Variants in ZFP36L1 observed in about 807,000 individuals in gnomAD.
ZFP36L1 encodes ZFP36 like 1 zinc finger CCCH-type.
Under a neutral mutation model 16.7 loss-of-function variants are expected in ZFP36L1, and 4 were observed. The ratio of observed to expected loss-of-function variants is 0.24; its 90% CI spans 0.12 to 0.55. The LOEUF is 0.55. Ranked by LOEUF, ZFP36L1 falls within the 20% of genes least tolerant of loss-of-function variation. The pLI is 0.94. For missense variants in ZFP36L1, 311 were observed against 449.2 expected, an observed-to-expected ratio of 0.69 and a Z score of 2.78; for synonymous variants, 220 against 190.8, an observed-to-expected ratio of 1.15 and a Z score of -1.26.
At position 68,788,081 on chromosome 14, in the gene ZFP36L1, T is replaced by A. The variant is rs370207868; in HGVS notation, c.*1452A>T. On this transcript the variant is annotated 3_prime_UTR_variant, in exon 2 of 2. Coordinates refer to ENST00000439696, the MANE Select transcript of ZFP36L1 (RefSeq NM_004926.4). The stretch of plus-strand genomic sequence containing the variant: ...TGCAGTCCAACACAAAGGGGGGAAT[T>A]TCTAAAATAAATAATCCAACAGTTT... 12 of 152,464 alleles carry A rather than the reference T, an allele frequency of 7.9e-5. No individual in the cohort carries two copies. The highest frequency in any genetic ancestry group is 3.7e-4 in the East Asian group (2 of 5,342). 9.4% of individuals were successfully genotyped at this position (152,464 alleles called of 1,614,324 possible). A position where few individuals can be genotyped will look rare whatever the true frequency, so the allele number is the denominator to read the frequency against.
upstream of ZFP36L1, chr14:68,793,788 G>C: frequency 1.0e-6 from 1 of 985,162 alleles, no homozygotes; most frequent in Admixed American, 6.1e-5. Flanking sequence ...CGTAGGGTGG[G>C]GCGCGCTGCT....
upstream of ZFP36L1, chr14:68,793,399 G>A (rs1391426989): frequency 4.0e-6 from 4 of 1,001,986 alleles, no homozygotes; most frequent in Non-Finnish European, 3.6e-6. Context: ...CCTCTCCGGG[G>A]CCGCGCGGGC....
chr14:68,792,621 G>A (rs1895123261), intron 1 of ZFP36L1, among the ~76,000 whole-genome samples: 2 of 152,208 alleles, frequency 1.3e-5, no homozygotes, highest in East Asian at 3.9e-4. Context: ...AAGCCCCCGG[G>A]CTGCCCTGCC....
chr14:68,792,551 G>A (rs1179753391), intron 1 of ZFP36L1, among the ~76,000 whole-genome samples: 4 of 152,224 alleles, frequency 2.6e-5, no homozygotes, highest in African/African-American at 4.8e-5. Context: ...CTGGGATCCA[G>A]CAGCACGTTA....
chr14:68,793,149 G>A (rs1895152176), upstream of ZFP36L1: 1 of 1,239,814 alleles, frequency 8.1e-7, no homozygotes. Flanking sequence ...TTATTTAAAT[G>A]AGGAAGAGGA....
rs748947867 is a variant in ZFP36L1 at position 68,790,337 on chromosome 14, G to T, written c.213C>A (p.Leu71=). The stretch of plus-strand genomic sequence containing the variant: ...TCAGAGCGGGGGCTGGCTCACCCTT[G>T]AGGCTGCTGAGGAGCTGGTTCTGGT... The part of the protein sequence containing the change: ...KFHQNQLLSS[L]KGEPAPALSS... Residue 71 remains leucine (L), a synonymous_variant, in exon 2 of 2, where the codon CTC becomes CTA. Transcript: ENST00000439696. 1 of 1,611,894 alleles carries T rather than the reference G, an allele frequency of 6.2e-7. No homozygotes were observed. The highest frequency in any genetic ancestry group is 8.5e-7 in the Non-Finnish European group (1 of 1,179,344).
At chr14:68,795,737 A>C, upstream of ZFP36L1, 1 of 524,756 alleles carries the variant, frequency 1.9e-6, no homozygotes, top group Non-Finnish European at 3.9e-6. Flanking sequence ...GGTTTGTTCC[A>C]GCTCCCAGAG....
chr14:68,793,369 A>T (rs561927022), upstream of ZFP36L1: 21 of 1,001,918 alleles, frequency 2.1e-5, no homozygotes, highest in Non-Finnish European at 2.4e-5. Context: ...TGACTTCCCT[A>T]CCCGGCGCTT....
upstream of ZFP36L1, chr14:68,795,711 G>T (rs961030320): frequency 2.0e-6 from 1 of 500,570 alleles, no homozygotes; most frequent in South Asian, 1.5e-5. Flanking sequence ...GTTGTTTACC[G>T]GCCCCGCCGA....
At chr14:68,792,661 C>T (rs551975913) in intron 1 of ZFP36L1, among the ~76,000 whole-genome samples, 1 of 152,244 alleles carries the variant, frequency 6.6e-6, no homozygotes, top group East Asian at 1.9e-4. Flanking sequence ...AAACCCTGGC[C>T]TCCAGATTCA....
chr14:68,793,134 T>A, upstream of ZFP36L1: 1 of 1,386,568 alleles, frequency 7.2e-7, no homozygotes, highest in Non-Finnish European at 9.3e-7. Context: ...GGAGGAGCTT[T>A]AAACTTATTT....
upstream of ZFP36L1, chr14:68,793,869 C>T (rs2140214073): frequency 3.1e-6 from 3 of 979,100 alleles, no homozygotes; most frequent in South Asian, 1.4e-4. Flanking sequence ...CAATTTAGTG[C>T]GCCGCACGCG....
chr14:68,796,241 G>A (rs1223501718), upstream of ZFP36L1: 1 of 1,366,692 alleles, frequency 7.3e-7, no homozygotes, highest in African/African-American at 1.5e-5. Context: ...TTTGTGCAAG[G>A]GGGAAAGTGA....
chr14:68,793,884 C>T (rs1313575241), upstream of ZFP36L1: 3 of 982,430 alleles, frequency 3.1e-6, no homozygotes, highest in South Asian at 9.5e-5. Flanking sequence ...CACGCGTCGA[C>T]ACTCGCGCTC....
rs181577228 is a variant in ZFP36L1, at chr14:68,791,820, C to A, written c.57+1062G>T. Among the ~76,000 whole-genome samples, 21 of 152,316 alleles carry A rather than the reference C, an allele frequency of 1.4e-4. No individual in the cohort carries two copies. In the East Asian group the frequency reaches 3.5e-3, roughly 25 times the overall value. ...TTCAAACTTTTTAAATGCTACTCTT[C>A]AGCTCCTCGGCGTCCCTGCACCCCA... On this transcript the variant is annotated intron_variant, in intron 1 of 1. Coordinates refer to ENST00000439696, the MANE Select transcript of ZFP36L1 (RefSeq NM_004926.4).
intron 1 of ZFP36L1, among the ~76,000 whole-genome samples, chr14:68,792,338 C>T (rs751556201): frequency 6.6e-6 from 1 of 152,364 alleles, no homozygotes; most frequent in Middle Eastern, 3.4e-3. Context: ...TCAAGCCCCA[C>T]TGCAAACTTG....
chr14:68,789,653 G>A lies in ZFP36L1; in HGVS notation c.897C>T (p.Leu299=), dbSNP rs530687275. The stretch of plus-strand genomic sequence containing the variant: ...TGCTCAGGTAGCCCTCCTGGTCCGA[G>A]AGAGAATCCTGAGGGCTGGGGGGAG... The part of the protein sequence containing the change: ...FDSPPSPQDS[L]SDQEGYLSSS... Residue 299 remains leucine (L), a synonymous_variant, in exon 2 of 2, where the codon CTC becomes CTT. Coordinates refer to ENST00000439696, the MANE Select transcript of ZFP36L1 (RefSeq NM_004926.4). This position sits in a 1 kb window ranked among gnomAD's most constrained non-coding sequence, Gnocchi z 4.5. 180 of 1,613,940 alleles carry A rather than the reference G, an allele frequency of 1.1e-4. No individual in the cohort carries two copies. The highest frequency in any genetic ancestry group is 1.5e-4 in the Non-Finnish European group (173 of 1,179,872).
chr14:68,793,033 C>A lies in ZFP36L1; in HGVS notation c.-95G>T. ...AGCCTCTCCTGTCTGGAGTCCCACA[C>A]GCCAGTTCCCGGCGCCCCTCGCCTT... On this transcript the variant is annotated 5_prime_UTR_variant, in exon 1 of 2. Coordinates refer to ENST00000439696, the MANE Select transcript of ZFP36L1 (RefSeq NM_004926.4). 6.2e-7 allele frequency: 1 copy of A among 1,600,904 alleles called. No homozygotes were observed. Among genetic ancestry groups the A allele is most frequent in the Non-Finnish European group, 8.5e-7 (1 of 1,176,502 alleles).
upstream of ZFP36L1, chr14:68,795,946 G>T: frequency 2.4e-6 from 3 of 1,240,846 alleles, no homozygotes; most frequent in Non-Finnish European, 3.3e-6. Flanking sequence ...CCCAGGGGTG[G>T]CGGGAGGGCG....
Sources: allele counts gnomAD v4.1 joint callset (sites outside exome capture counted in the v4.1 genomes callset), GRCh38; gene constraint gnomAD v4.1.1; non-coding constraint Gnocchi (gnomAD v3.1); transcripts MANE v1.5; gene names NCBI Gene and HGNC (gene_info 2026-07-23, HGNC 2026-07-21).